Variants in NLGN4X observed in about 807,000 individuals in gnomAD.
The protein encoded by NLGN4X is neuroligin-4, X-linked.
In NLGN4X, 3 loss-of-function variants were observed where a neutral mutation model predicts 40.3. The ratio of observed to expected loss-of-function variants is 0.07; its 90% CI spans 0.03 to 0.19. The LOEUF (loss-of-function observed/expected upper bound fraction) is 0.19, where lower values mean the gene tolerates loss of function less well. Ranked by LOEUF, NLGN4X falls within the 10% of genes least tolerant of loss-of-function variation. NLGN4X has a pLI of 1.00. For missense variants in NLGN4X, 382 were observed against 708.3 expected (o/e 0.54, Z 5.23); for synonymous variants, 270 against 306.8 (o/e 0.88, Z 1.25).
intron 2 of NLGN4X, among the ~76,000 whole-genome samples, chrX:6,149,904 T>A (rs1211201674): frequency 9.1e-6 from 1 of 110,013 alleles, no homozygotes; most frequent in East Asian, 2.8e-4. Context: ...AACGTCGTTG[T>A]TGATTTACTA....
intron 1 of NLGN4X, among the ~76,000 whole-genome samples, chrX:6,215,549 CAAA>C (rs3072697): frequency 1.3e-5 from 1 of 77,342 alleles, no homozygotes. Flanking sequence ...AACTCCGTCT[CAAA>C]AAAAAAAAAA....
intron 2 of NLGN4X, among the ~76,000 whole-genome samples, chrX:6,124,013 T>C (rs756348852): frequency 7.2e-5 from 8 of 110,709 alleles, no homozygotes; most frequent in Non-Finnish European, 1.3e-4. Context: ...TTAAAATAAA[T>C]GGATACATAA....
intron 2 of NLGN4X, chrX:6,032,795 C>A (rs755365317): frequency 1.1e-6 from 1 of 882,727 alleles, no homozygotes; most frequent in South Asian, 3.1e-5. Flanking sequence ...AAAGAGAATT[C>A]AAAAACAACA....
At chrX:5,989,108 A>G (rs1256845097) in intron 3 of NLGN4X, among the ~76,000 whole-genome samples, 1 of 110,731 alleles carries the variant, frequency 9.0e-6, no homozygotes. Flanking sequence ...AAAAAAATAA[A>G]AAAGAGTTAG....
At chrX:6,032,730 C>T (rs770745374) in intron 2 of NLGN4X, 16 of 1,189,009 alleles carry the variant, frequency 1.3e-5, no homozygotes, top group East Asian at 9.0e-5. Flanking sequence ...ATATCATCTG[C>T]GTTTTTCTTT....
rs150062625 is a variant in NLGN4X at position 6,204,364 on chromosome X, G to C, written c.-306+24177C>G. The stretch of plus-strand genomic sequence containing the variant: ...GCCCAGCACGTCAATGAGTTTTTAT[G>C]GTTGTTGTTATTAATCTTTAAGTCC... On this transcript the variant is annotated intron_variant, in intron 1 of 5. Transcript: ENST00000381095. Among the ~76,000 whole-genome samples, 291 of 111,908 alleles carry C rather than the reference G, an allele frequency of 2.6e-3. 3 individuals carry two copies. The highest frequency in any genetic ancestry group is 9.0e-3 in the African/African-American group (279 of 30,831).
chrX:5,949,956 G>A (rs2034254147), intron 3 of NLGN4X, among the ~76,000 whole-genome samples: 1 of 111,859 alleles, frequency 8.9e-6, no homozygotes, highest in South Asian at 3.7e-4. Flanking sequence ...AACCTGGAAT[G>A]TAGCAAATGA....
In NLGN4X at chrX:5,892,755, CT is replaced by C; in HGVS notation, c.*61del. ...CTCTCTCTCTTTCCTTCTCTCTTTCCTTCCCTCTTCTATGTTGCTGAGCGGG... is the reference window on the plus strand; with the variant it reads ...CTCTCTCTCTTTCCTTCTCTCTTTCCTCCCTCTTCTATGTTGCTGAGCGGG... On this transcript the variant is annotated 3_prime_UTR_variant, in exon 6 of 6. Transcript: ENST00000381095. 1 of 1,180,044 alleles carries C rather than the reference CT, an allele frequency of 8.5e-7. No individual in the cohort carries two copies. The highest frequency in any genetic ancestry group is 1.2e-6 in the Non-Finnish European group (1 of 869,332).
At chrX:6,125,533 T>C (rs1264736791) in intron 2 of NLGN4X, among the ~76,000 whole-genome samples, 1 of 109,786 alleles carries the variant, frequency 9.1e-6, no homozygotes, top group East Asian at 2.9e-4. Context: ...ATAAACAAAG[T>C]TATAAAAAAT....
intron 3 of NLGN4X, among the ~76,000 whole-genome samples, chrX:6,028,047 C>T (rs1241293643): frequency 1.8e-5 from 2 of 110,412 alleles, no homozygotes; most frequent in Non-Finnish European, 3.8e-5. Flanking sequence ...TAATTCCTGA[C>T]CTCAAGTGAT....
At chrX:5,932,843 A>G (rs1262038631) in intron 3 of NLGN4X, among the ~76,000 whole-genome samples, 1 of 111,487 alleles carries the variant, frequency 9.0e-6, no homozygotes, top group Non-Finnish European at 1.9e-5. Context: ...AAGAATGAAA[A>G]TACACTTGAA....
intron 1 of NLGN4X, among the ~76,000 whole-genome samples, chrX:6,213,852 A>C (rs748433774): frequency 8.9e-6 from 1 of 112,036 alleles, no homozygotes; most frequent in South Asian, 3.7e-4. Context: ...AAGCAACAGC[A>C]ACAAAGTTAA....
At chrX:6,056,876 C>T (rs1166168819) in intron 2 of NLGN4X, among the ~76,000 whole-genome samples, 5 of 112,141 alleles carry the variant, frequency 4.5e-5, no homozygotes. Context: ...TGACAAAAAT[C>T]AATGGAAAGC....
intron 3 of NLGN4X, among the ~76,000 whole-genome samples, chrX:6,012,540 G>C: frequency 9.0e-6 from 1 of 111,594 alleles, no homozygotes; most frequent in Admixed American, 9.5e-5. Context: ...ATGATGTGTT[G>C]GGTGGAGTGG....
At chrX:6,218,838 C>T (rs929335303) in intron 1 of NLGN4X, among the ~76,000 whole-genome samples, 1 of 111,142 alleles carries the variant, frequency 9.0e-6, no homozygotes, top group South Asian at 3.7e-4. Flanking sequence ...CTAAGTTATC[C>T]GTCACAGCTG....
In NLGN4X at chrX:6,043,129, G is replaced by A. The variant is rs752305664; in HGVS notation, c.473-13697C>T. The stretch of plus-strand genomic sequence containing the variant: ...ACAAAACCTAATAACTTCTATGCAC[G>A]CGCATACACACACACACACACACAC... On this transcript the variant is annotated intron_variant, in intron 2 of 5. Transcript: ENST00000381095. Among the ~76,000 whole-genome samples, 521 of 61,515 alleles carry A rather than the reference G, an allele frequency of 8.5e-3. 5 individuals carry two copies. The highest frequency in any genetic ancestry group is 0.029 in the African/African-American group (497 of 16,931). 53.4% of individuals were successfully genotyped at this position (61,515 alleles called of 115,157 possible).
At chrX:6,000,013 CAATA>C (rs1465388870) in intron 3 of NLGN4X, among the ~76,000 whole-genome samples, 1 of 112,135 alleles carries the variant, frequency 8.9e-6, no homozygotes, top group Non-Finnish European at 1.9e-5. Context: ...CAGAATGTAA[CAATA>C]AAACCAAGAG....
intron 3 of NLGN4X, among the ~76,000 whole-genome samples, chrX:5,925,921 TATATATATATAA>T (rs2033293649): frequency 1.6e-5 from 1 of 61,064 alleles, no homozygotes; most frequent in Non-Finnish European, 2.9e-5. Context: ...TATATATATA[TATATATATATAA>T]ACCTGCGAAG....
In NLGN4X at chrX:6,055,418, C is replaced by A. The variant is rs919147068; in HGVS notation, c.473-25986G>T. Among the ~76,000 whole-genome samples, 6 of 111,640 alleles carry A rather than the reference C, an allele frequency of 5.4e-5. No homozygotes were observed. The Admixed American group carries it at 5.7e-4, about 11-fold the overall frequency. On this transcript the variant is annotated intron_variant, in intron 2 of 5. Transcript: ENST00000381095. The stretch of plus-strand genomic sequence containing the variant: ...GCTGAGGCAGGAGGATCACTTGAGT[C>A]CAGGAGTTGGAGGCTGTGGTGAGCT...
Sources: gnomAD v4.1 joint callset for allele counts (sites outside exome capture counted in the v4.1 genomes callset) on GRCh38, gnomAD v4.1.1 for gene constraint, MANE v1.5 for transcripts, NCBI Gene and HGNC (gene_info 2026-07-23, HGNC 2026-07-21) for gene names.